The following DNAH3 variants were observed in gnomAD, a reference collection of about 807,000 sequenced individuals.
DNAH3 encodes axonemal beta dynein heavy chain 3.
DNAH3 carries 332 observed loss-of-function variants against 432.5 expected under a neutral mutation model. The observed-to-expected ratio is 0.77, with a 90% CI of 0.70 to 0.84. The LOEUF is 0.84. DNAH3 is among the 40% of genes least tolerant of loss of function. DNAH3 has a pLI of 0.00. For synonymous variants in DNAH3, 1,956 were observed against 1,900.2 expected, an observed-to-expected ratio of 1.03 and a Z score of -0.76; for missense variants, 4,861 against 5,114.0, an observed-to-expected ratio of 0.95 and a Z score of 1.51.
intron 6 of DNAH3, among the ~76,000 whole-genome samples, 154 bp downstream of exon 7, chr16:21,136,170 T>C (rs1381432402): frequency 1.3e-5 from 2 of 152,114 alleles, no homozygotes; most frequent in Admixed American, 6.6e-5. Flanking sequence ...TCCTAGCACT[T>C]TGGGAGGCTA....
At chr16:21,099,411 C>T (rs768195799) in intron 16 of DNAH3, among the ~76,000 whole-genome samples, 10 of 152,158 alleles carry the variant, frequency 6.6e-5, no homozygotes, top group Non-Finnish European at 1.0e-4. Flanking sequence ...GACTAGCAGA[C>T]GGAAGTGGAG....
At chr16:21,115,035 A>T (rs1352171067) in intron 12 of DNAH3, among the ~76,000 whole-genome samples, 1 of 152,220 alleles carries the variant, frequency 6.6e-6, no homozygotes, top group Non-Finnish European at 1.5e-5. Context: ...AATGTGGCAC[A>T]TATACACCAT....
intron 18 of DNAH3, among the ~76,000 whole-genome samples, chr16:21,096,845 T>A (rs1429450647): frequency 6.6e-6 from 1 of 152,194 alleles, no homozygotes; most frequent in African/African-American, 2.4e-5. Context: ...AAAGGTCAGC[T>A]AGTAAGTTCT....
exon 39 of DNAH3, chr16:21,024,599 T>G: frequency 1.9e-6 from 3 of 1,605,510 alleles, no homozygotes; most frequent in Non-Finnish European, 2.6e-6. Flanking sequence ...GGCTCACCAA[T>G]TCTTTGTGCT....
At chr16:20,976,041 G>A (rs376638409) in intron 50 of DNAH3, among the ~76,000 whole-genome samples, 16 of 147,302 alleles carry the variant, frequency 1.1e-4, no homozygotes, top group Non-Finnish European at 1.8e-4. Context: ...CACCACGCCC[G>A]GCCAAGAAAT....
intron 52 of DNAH3, 44 bp downstream of exon 52, chr16:20,969,748 G>C (rs2085247924): frequency 6.2e-7 from 1 of 1,608,502 alleles, no homozygotes; most frequent in Admixed American, 1.7e-5. Flanking sequence ...CCCACTGCCA[G>C]GAAAGAGCAG....
At chr16:21,110,766 G>A (rs754137677) in intron 14 of DNAH3, among the ~76,000 whole-genome samples, 3 of 152,150 alleles carry the variant, frequency 2.0e-5, no homozygotes, top group African/African-American at 4.8e-5. Context: ...ACAGACTTAG[G>A]AGGTTGAGGC....
At chr16:21,046,116 AGGTGT>A (rs2089684212) in intron 31 of DNAH3, among the ~76,000 whole-genome samples, 2 of 145,570 alleles carry the variant, frequency 1.4e-5, no homozygotes, top group South Asian at 4.6e-4. Context: ...ATTTTGGAAT[AGGTGT>A]GGTGTGGTGC....
chr16:20,985,534 G>A, exon 48 of DNAH3: 1 of 1,614,162 alleles, frequency 6.2e-7, no homozygotes, highest in Non-Finnish European at 8.5e-7. Context: ...CAGGGACATG[G>A]GGGCCTTGCT....
intron 36 of DNAH3, among the ~76,000 whole-genome samples, chr16:21,032,550 T>C (rs139404863): frequency 6.6e-6 from 1 of 152,114 alleles, no homozygotes; most frequent in Non-Finnish European, 1.5e-5. Context: ...TTGTGGCTCA[T>C]GCCTGTAATC....
At chr16:21,145,203 G>A (rs200686959) in exon 3 of DNAH3, 22 of 1,612,226 alleles carry the variant, frequency 1.4e-5, no homozygotes, top group African/African-American at 2.7e-5. Context: ...GCCCCTGACC[G>A]GTCCTGTCCC....
At chr16:21,149,697 A>T (rs751181872) in intron 1 of DNAH3, among the ~76,000 whole-genome samples, 10 of 152,224 alleles carry the variant, frequency 6.6e-5, no homozygotes, top group Non-Finnish European at 1.3e-4. Flanking sequence ...AGCCACAGTC[A>T]AAAACTGATG....
At chr16:21,049,826 A>G (rs1366105861) in intron 30 of DNAH3, 84 bp downstream of exon 30, 1 of 1,377,300 alleles carries the variant, frequency 7.3e-7, no homozygotes, top group Non-Finnish European at 1.0e-6. Flanking sequence ...ATGCTAAACC[A>G]TCTTAAAGTT....
chr16:21,023,786 G>GGTGTGTGTGTGT (rs3220045), intron 39 of DNAH3, among the ~76,000 whole-genome samples: 238 of 146,480 alleles, frequency 1.6e-3, no homozygotes, highest in South Asian at 5.8e-3. Context: ...CAGCTTTTGG[G>GGTGTGTGTGTGT]GTGTGTGTGT....
exon 34 of DNAH3, chr16:21,037,850 G>A (rs2152729723): frequency 1.2e-6 from 2 of 1,614,200 alleles, no homozygotes; most frequent in Non-Finnish European, 1.7e-6. Flanking sequence ...TTCTCCTCTG[G>A]ATACTTGAGC....
At chr16:21,138,112 G>A (rs1254638001) in intron 5 of DNAH3, among the ~76,000 whole-genome samples, 1 of 152,022 alleles carries the variant, frequency 6.6e-6, no homozygotes, top group Non-Finnish European at 1.5e-5. Context: ...GCCAGGTGGG[G>A]TGGTGCATAC....
chr16:21,046,448 T>G (rs957028899), intron 31 of DNAH3, among the ~76,000 whole-genome samples: 16 of 151,336 alleles, frequency 1.1e-4, no homozygotes, highest in African/African-American at 3.6e-4. Flanking sequence ...TTTGTCTCTT[T>G]TGATCTTTGT....
chr16:21,109,263 C>A (rs1435147908), intron 14 of DNAH3, among the ~76,000 whole-genome samples: 2 of 152,138 alleles, frequency 1.3e-5, no homozygotes, highest in African/African-American at 4.8e-5. Context: ...TGCACATGGA[C>A]TTTGAGGTCA....
Position 21,020,006 on chromosome 16 carries a change from A to T in DNAH3, c.5777-137T>A, listed in dbSNP as rs1001721407. 6.5e-6 allele frequency: 6 copies of T among 921,252 alleles called. No individual in the cohort carries two copies. In the African/African-American group the frequency reaches 1.0e-4, roughly 16 times the overall value. 57.1% of individuals were successfully genotyped at this position (921,252 alleles called of 1,614,324 possible). On this transcript the variant is annotated intron_variant, in intron 40 of 61. Coordinates refer to ENST00000261383, the Ensembl canonical transcript of DNAH3. The stretch of plus-strand genomic sequence containing the variant: ...ATTGGCAGAGTGCCTATCACCTACC[A>T]GATCATTTCACATGCATTTTTTTTT...
Sources: gnomAD v4.1 joint callset for allele counts (sites outside exome capture counted in the v4.1 genomes callset) on GRCh38, gnomAD v4.1.1 for gene constraint, MANE v1.5 for transcripts, NCBI Gene and HGNC (gene_info 2026-07-23, HGNC 2026-07-21) for gene names.